GPRIN3: variants seen among roughly 807,000 people sequenced by gnomAD.
The protein encoded by GPRIN3 is G protein-regulated inducer of neurite outgrowth 3.
In GPRIN3, 12 loss-of-function variants were observed where a neutral mutation model predicts 13.7. That is an observed-to-expected ratio of 0.87 (90% CI 0.56 to 1.42). GPRIN3 has a LOEUF of 1.42. GPRIN3 is among the 40% of genes most tolerant of loss of function. The pLI is 0.00. For missense variants in GPRIN3, 1,009 were observed against 958.7 expected (o/e 1.05, Z -0.69); for synonymous variants, 377 against 372.7 (o/e 1.01, Z -0.13).
chr4:89,254,894 C>T (rs890254588), intron 1 of GPRIN3, among the ~76,000 whole-genome samples: 4 of 152,122 alleles, frequency 2.6e-5, no homozygotes, highest in African/African-American at 9.7e-5. Flanking sequence ...TCATAAAAAT[C>T]CAGAATTCTC....
chr4:89,285,013 G>A (rs1724362402), intron 1 of GPRIN3, among the ~76,000 whole-genome samples: 1 of 152,086 alleles, frequency 6.6e-6, no homozygotes, highest in Non-Finnish European at 1.5e-5. Flanking sequence ...GACACTGCTG[G>A]CTCCACTTGG....
In GPRIN3 at chr4:89,249,037, C is replaced by T. The variant is rs1723217690; in HGVS notation, c.1074G>A (p.Leu358=). The T allele has an allele frequency of 4.3e-6, 7 of 1,614,184 alleles. No homozygotes were observed. The highest frequency in any genetic ancestry group is 1.1e-5 in the South Asian group (1 of 91,082). ...RAPEHFEQEQ[L]RVICHSSGSH... ...TCCCACTGCTGTGGCAAATGACACGCAGCTGCTCTTGTTCAAAATGCTCAG... is the reference window on the plus strand; with the variant it reads ...TCCCACTGCTGTGGCAAATGACACGTAGCTGCTCTTGTTCAAAATGCTCAG... Residue 358 remains leucine (L), a synonymous_variant, in exon 2 of 2, where the codon CTG becomes CTA. Coordinates refer to ENST00000609438, the MANE Select transcript of GPRIN3 (RefSeq NM_198281.3).
intron 1 of GPRIN3, among the ~76,000 whole-genome samples, chr4:89,291,830 C>CTTTTTTTTTTTTTTTTTTT (rs33981386): frequency 8.6e-6 from 1 of 115,868 alleles, no homozygotes; most frequent in African/African-American, 3.1e-5. Context: ...ACTGTCAGGG[C>CTTTTTTTTTTTTTTTTTTT]TTTTTTTTTT....
At chr4:89,302,104 C>T (rs112902369) in intron 1 of GPRIN3, among the ~76,000 whole-genome samples, 2 of 152,176 alleles carry the variant, frequency 1.3e-5, no homozygotes, top group Non-Finnish European at 2.9e-5. Context: ...ATTTCTGCTA[C>T]GCTAGACCCT....
chr4:89,288,204 G>A (rs1387151631), intron 1 of GPRIN3, among the ~76,000 whole-genome samples: 3 of 152,134 alleles, frequency 2.0e-5, no homozygotes, highest in African/African-American at 7.2e-5. Context: ...TAAGGTGGCC[G>A]ATTTGAGAAA....
At chr4:89,251,579 G>A (rs1723327693) in intron 1 of GPRIN3, among the ~76,000 whole-genome samples, 1 of 152,204 alleles carries the variant, frequency 6.6e-6, no homozygotes, top group African/African-American at 2.4e-5. Context: ...GAAAAGTCAT[G>A]ATGTAATTCT....
chr4:89,245,924 A>G lies in GPRIN3; in HGVS notation c.*1856T>C, dbSNP rs570024055. The G allele has an allele frequency of 8.5e-5, 13 of 152,364 alleles. No homozygotes were observed. Among genetic ancestry groups the G allele is most frequent in the East Asian group, 3.9e-4 (2 of 5,178 alleles). The allele number at this position is 152,364 out of a possible 1,614,324, so 9.4% of individuals were successfully genotyped here. A position where few individuals can be genotyped will look rare whatever the true frequency, so the allele number is the denominator to read the frequency against. On this transcript the variant is annotated 3_prime_UTR_variant, in exon 2 of 2. Transcript: ENST00000609438. ...GGTAAGAAACTGAAAAATGTGCCTT[A>G]TTAAAAAATTCCTTCTAATTTCCAA... is the stretch of plus-strand genomic sequence containing the variant.
intron 1 of GPRIN3, 101 bp from the exon 2 acceptor site, chr4:89,250,334 T>G: frequency 1.5e-6 from 1 of 647,220 alleles, no homozygotes; most frequent in Non-Finnish European, 2.3e-6. Context: ...AAAACTTTTC[T>G]TCCCATACCT....
At chr4:89,260,026 C>T (rs1405405579) in intron 1 of GPRIN3, among the ~76,000 whole-genome samples, 3 of 152,118 alleles carry the variant, frequency 2.0e-5, no homozygotes, top group Non-Finnish European at 2.9e-5. Flanking sequence ...AGGCTGGTCT[C>T]GAACTCCTGA....
chr4:89,268,772 C>A (rs563897589), intron 1 of GPRIN3, among the ~76,000 whole-genome samples: 1 of 152,268 alleles, frequency 6.6e-6, no homozygotes, highest in South Asian at 2.1e-4. Context: ...ACCCCATGAT[C>A]AGTGACATCA....
chr4:89,268,894 C>T (rs1161883578), intron 1 of GPRIN3, among the ~76,000 whole-genome samples: 1 of 152,182 alleles, frequency 6.6e-6, no homozygotes, highest in African/African-American at 2.4e-5. Flanking sequence ...ATATTTATAT[C>T]TCTCTTGAGG....
intron 1 of GPRIN3, among the ~76,000 whole-genome samples, chr4:89,275,068 C>T (rs1724056322): frequency 6.6e-6 from 1 of 151,968 alleles, no homozygotes; most frequent in Admixed American, 6.6e-5. Flanking sequence ...CCCAGAAGAG[C>T]TTCAGCCTCT....
chr4:89,277,103 A>G (rs944769807), intron 1 of GPRIN3, among the ~76,000 whole-genome samples: 1 of 152,116 alleles, frequency 6.6e-6, no homozygotes, highest in Non-Finnish European at 1.5e-5. Flanking sequence ...TTTTTCTCCT[A>G]GAACCATTAA....
At chr4:89,294,904 C>T (rs577124271) in intron 1 of GPRIN3, among the ~76,000 whole-genome samples, 3 of 152,252 alleles carry the variant, frequency 2.0e-5, no homozygotes, top group African/African-American at 7.2e-5. Context: ...GACAAATTCC[C>T]AAGGAAAAAT....
At chr4:89,275,939 T>A (rs1020679772) in intron 1 of GPRIN3, among the ~76,000 whole-genome samples, 1 of 152,210 alleles carries the variant, frequency 6.6e-6, no homozygotes, top group African/African-American at 2.4e-5. Flanking sequence ...AGTTCCATAA[T>A]GAATAATGCC....
chr4:89,248,113 C>A lies in GPRIN3; in HGVS notation c.1998G>T (p.Gln666His), dbSNP rs1578068521. 1 of 1,614,158 alleles carries A rather than the reference C, an allele frequency of 6.2e-7. No individual in the cohort carries two copies. The highest frequency in any genetic ancestry group is 2.2e-5 in the East Asian group (1 of 44,858). Residue 666 changes from glutamine (Q) to histidine (H), a missense_variant, in exon 2 of 2, where the codon CAG (glutamine) becomes CAT (histidine). Gln to His is a conservative substitution (Grantham distance 24). Transcript: ENST00000609438. ...GCTGGAGCTTGGAGTCTGCGCCAAG[C>A]TGCTTTTTCTTATCTCCTGGAGTGA... ...VGLTPGDKKKQLGADSKLQLK... is the reference protein window; with the variant it reads ...VGLTPGDKKKHLGADSKLQLK...
At chr4:89,272,152 C>T (rs1003670456) in intron 1 of GPRIN3, among the ~76,000 whole-genome samples, 2 of 152,132 alleles carry the variant, frequency 1.3e-5, no homozygotes, top group Admixed American at 1.3e-4. Flanking sequence ...TATTCTGTTA[C>T]AGCAGCCTGA....
chr4:89,246,527 G>A lies in GPRIN3; in HGVS notation c.*1253C>T, dbSNP rs1029868014. ...GAAGTATAATCCACCCAAATCACAAGCCATGTTTTCGTAAAGGCCTCTTCT... is the reference window on the plus strand; with the variant it reads ...GAAGTATAATCCACCCAAATCACAAACCATGTTTTCGTAAAGGCCTCTTCT... On this transcript the variant is annotated 3_prime_UTR_variant, in exon 2 of 2. Transcript: ENST00000609438. 1 of 152,120 alleles carries A rather than the reference G, an allele frequency of 6.6e-6. No homozygotes were observed. The highest frequency in any genetic ancestry group is 2.4e-5 in the African/African-American group (1 of 41,414). The allele number at this position is 152,120 out of a possible 1,614,324, so 9.4% of individuals were successfully genotyped here.
chr4:89,254,137 G>GTGTGTGTGTGTGTGTGTC (rs1723406145), intron 1 of GPRIN3, among the ~76,000 whole-genome samples: 1 of 151,840 alleles, frequency 6.6e-6, no homozygotes, highest in Non-Finnish European at 1.5e-5. Flanking sequence ...GGGTGTGTGT[G>GTGTGTGTGTGTGTGTGTC]TGTGTGTGTG....
Sources: allele counts gnomAD v4.1 joint callset (sites outside exome capture counted in the v4.1 genomes callset), GRCh38; gene constraint gnomAD v4.1.1; transcripts MANE v1.5; gene names NCBI Gene and HGNC (gene_info 2026-07-23, HGNC 2026-07-21).